Variants in SLC9A9 observed in about 807,000 individuals in gnomAD.
SLC9A9 encodes sodium/hydrogen exchanger 9.
A neutral mutation model predicts 77.8 loss-of-function variants in SLC9A9; 62 were observed. The ratio of observed to expected loss-of-function variants is 0.80; its 90% CI spans 0.65 to 0.98. SLC9A9 has a LOEUF of 0.98. Ranked by LOEUF, SLC9A9 falls within the 50% of genes least tolerant of loss-of-function variation. The probability of loss-of-function intolerance (pLI) is 0.00; values close to 1 mark genes in which losing one functional copy is unlikely to be tolerated. For synonymous variants in SLC9A9, 320 were observed against 283.5 expected, an observed-to-expected ratio of 1.13 and a Z score of -1.29; for missense variants, 775 against 774.9, an observed-to-expected ratio of 1.00 and a Z score of 0.00.
At chr3:143,479,434 G>A (rs930405809) in intron 11 of SLC9A9, among the ~76,000 whole-genome samples, 1 of 149,800 alleles carries the variant, frequency 6.7e-6, no homozygotes, top group African/African-American at 2.5e-5. Flanking sequence ...AATTTTTTTT[G>A]TAGAGATGGG....
chr3:143,496,832 G>C (rs945380507), intron 9 of SLC9A9, among the ~76,000 whole-genome samples: 2 of 152,238 alleles, frequency 1.3e-5, no homozygotes, highest in East Asian at 3.9e-4. Context: ...TATACTGAAT[G>C]GCTTAAACAA....
chr3:143,288,722 G>A (rs1938450184), intron 14 of SLC9A9, among the ~76,000 whole-genome samples: 1 of 152,130 alleles, frequency 6.6e-6, no homozygotes, highest in Admixed American at 6.5e-5. Flanking sequence ...GAAAGAGTAG[G>A]ATCATTACAG....
intron 12 of SLC9A9, among the ~76,000 whole-genome samples, chr3:143,448,331 T>C (rs1429121672): frequency 1.3e-5 from 2 of 152,166 alleles, no homozygotes; most frequent in Non-Finnish European, 2.9e-5. Flanking sequence ...CACCTGTCCA[T>C]TGGCGAATAC....
chr3:143,522,313 T>G (rs946285089), intron 9 of SLC9A9, among the ~76,000 whole-genome samples: 1 of 152,202 alleles, frequency 6.6e-6, no homozygotes, highest in Admixed American at 6.5e-5. Context: ...CCATTATTTG[T>G]ATCCCTTTAA....
At chr3:143,630,821 C>T (rs993350562) in intron 6 of SLC9A9, among the ~76,000 whole-genome samples, 6 of 152,160 alleles carry the variant, frequency 3.9e-5, no homozygotes, top group Admixed American at 1.3e-4. Flanking sequence ...CAGTTAATAG[C>T]TTAAAACAAA....
chr3:143,463,725 A>G (rs890650223), intron 12 of SLC9A9, among the ~76,000 whole-genome samples: 2 of 152,216 alleles, frequency 1.3e-5, no homozygotes, highest in Admixed American at 1.3e-4. Flanking sequence ...TTTATTTTCA[A>G]TGCTGCATTA....
chr3:143,348,041 A>ATCTT (rs1457069786), intron 14 of SLC9A9, among the ~76,000 whole-genome samples: 3 of 149,452 alleles, frequency 2.0e-5, no homozygotes, highest in Non-Finnish European at 3.0e-5. Flanking sequence ...TTTAGAGGGA[A>ATCTT]TCTTACTCTG....
intron 5 of SLC9A9, among the ~76,000 whole-genome samples, chr3:143,688,508 G>A (rs561524101): frequency 1.2e-4 from 18 of 152,192 alleles, no homozygotes; most frequent in East Asian, 5.8e-4. Context: ...GAATATCTAC[G>A]TATGGCAGAA....
intron 1 of SLC9A9, among the ~76,000 whole-genome samples, chr3:143,838,531 T>C (rs1285120570): frequency 6.6e-6 from 1 of 152,056 alleles, no homozygotes; most frequent in African/African-American, 2.4e-5. Flanking sequence ...GAGATAATTA[T>C]TTGAAGACAG....
At chr3:143,825,156 TA>T (rs35883480) in intron 2 of SLC9A9, among the ~76,000 whole-genome samples, 31,524 of 152,116 alleles carry the variant, frequency 0.21, 3,674 homozygotes, top group South Asian at 0.36. Flanking sequence ...AAAAGTTTCT[TA>T]AAAAATTTCT....
Position 143,631,656 on chromosome 3 carries a change from T to C in SLC9A9, c.755+20599A>G, listed in dbSNP as rs190339129. ...CATAGCAAATGGTCCCTAGGCTCAG[T>C]TTGGAGGTGTTGTGCCTGGGTTAAG... On this transcript the variant is annotated intron_variant, in intron 6 of 15. Coordinates refer to ENST00000316549, the MANE Select transcript of SLC9A9 (RefSeq NM_173653.4). 1.8e-3 allele frequency among the ~76,000 whole-genome samples: 278 copies of C among 152,136 alleles called. 1 individual carries two copies. The highest frequency in any genetic ancestry group is 5.3e-3 in the African/African-American group (219 of 41,528).
chr3:143,552,398 G>C lies in SLC9A9; in HGVS notation c.1053C>G (p.Asn351Lys), dbSNP rs184428994. 14 of 1,613,034 alleles carry C rather than the reference G, an allele frequency of 8.7e-6. No homozygotes were observed. The African/African-American group carries it at 1.7e-4, about 20-fold the overall frequency. ...TTATTTTGGAATCCGAAGACAGATT[G>C]TTGTAGGTATAATGTGCTTGTGTGA... is the stretch of plus-strand genomic sequence containing the variant. The part of the protein sequence containing the change: ...CGVTQAHYTY[N>K]NLSSDSKIRT... The change falls in exon 9 of 16, where the codon AAC becomes AAG. Residue 351 changes from asparagine to lysine, a missense_variant. Asn to Lys is a moderately conservative substitution (Grantham distance 94, BLOSUM62 0). Transcript: ENST00000316549.
At chr3:143,570,752 G>A (rs1428386380) in intron 8 of SLC9A9, among the ~76,000 whole-genome samples, 1 of 151,854 alleles carries the variant, frequency 6.6e-6, no homozygotes, top group African/African-American at 2.4e-5. Flanking sequence ...ATGCATGCAC[G>A]AGTATATTTA....
intron 6 of SLC9A9, among the ~76,000 whole-genome samples, chr3:143,591,097 G>A (rs963537736): frequency 1.2e-4 from 19 of 152,144 alleles, no homozygotes; most frequent in Admixed American, 3.3e-4. Flanking sequence ...ACGGCCTGAG[G>A]GAGTTTCACC....
At chr3:143,464,348 AC>A (rs1430302395) in intron 12 of SLC9A9, among the ~76,000 whole-genome samples, 1 of 152,250 alleles carries the variant, frequency 6.6e-6, no homozygotes, top group Non-Finnish European at 1.5e-5. Flanking sequence ...AATTTCTTTG[AC>A]AACATTATAA....
chr3:143,676,928 G>A (rs1261404653), intron 5 of SLC9A9, among the ~76,000 whole-genome samples: 1 of 152,130 alleles, frequency 6.6e-6, no homozygotes, highest in Non-Finnish European at 1.5e-5. Context: ...ACATGGGGAG[G>A]GTTGTTTGCA....
chr3:143,691,898 G>A (rs1384694403), intron 5 of SLC9A9, among the ~76,000 whole-genome samples: 1 of 151,982 alleles, frequency 6.6e-6, no homozygotes, highest in East Asian at 1.9e-4. Flanking sequence ...TCAACTATAG[G>A]TTGTGTTCTG....
intron 12 of SLC9A9, among the ~76,000 whole-genome samples, chr3:143,404,767 G>C (rs942322976): frequency 6.6e-6 from 1 of 152,128 alleles, no homozygotes; most frequent in Non-Finnish European, 1.5e-5. Context: ...TCCTGGTTTT[G>C]TTAATTTATT....
intron 2 of SLC9A9, among the ~76,000 whole-genome samples, chr3:143,830,431 C>T (rs558922837): frequency 2.0e-5 from 3 of 152,246 alleles, no homozygotes; most frequent in African/African-American, 7.2e-5. Context: ...CATCTCTTGC[C>T]CTAATTTTTC....
Sources: gnomAD v4.1 joint callset for allele counts (sites outside exome capture counted in the v4.1 genomes callset) on GRCh38, gnomAD v4.1.1 for gene constraint, MANE v1.5 for transcripts, NCBI Gene and HGNC (gene_info 2026-07-23, HGNC 2026-07-21) for gene names.